The following KMT2C variants were observed in gnomAD, a reference collection of about 807,000 sequenced individuals.
KMT2C encodes the protein lysine methyltransferase 2C.
KMT2C carries 88 observed loss-of-function variants against 507.9 expected under a neutral mutation model. That is an observed-to-expected ratio of 0.17 (90% CI 0.15 to 0.21). The LOEUF is 0.21. Ranked by LOEUF, KMT2C falls within the 10% of genes least tolerant of loss-of-function variation. The probability of loss-of-function intolerance (pLI) is 1.00; values close to 1 mark genes in which losing one functional copy is unlikely to be tolerated. For synonymous variants in KMT2C, 2,049 were observed against 2,080.8 expected, an observed-to-expected ratio of 0.98 and a Z score of 0.42; for missense variants, 4,954 against 5,957.8, an observed-to-expected ratio of 0.83 and a Z score of 5.55.
At chr7:152,383,763 G>A (rs955832227) in intron 1 of KMT2C, among the ~76,000 whole-genome samples, 1 of 152,132 alleles carries the variant, frequency 6.6e-6, no homozygotes, top group Non-Finnish European at 1.5e-5. Flanking sequence ...CTGTATAATG[G>A]GGATAACAGA....
intron 43 of KMT2C, among the ~76,000 whole-genome samples, chr7:152,160,220 C>T (rs900946532): frequency 6.6e-5 from 10 of 152,004 alleles, no homozygotes; most frequent in East Asian, 1.9e-4. Context: ...TGGAGGGAGG[C>T]GAAAGCAGGC....
chr7:152,358,428 CTT>C (rs1317007604), intron 2 of KMT2C, among the ~76,000 whole-genome samples, 157 bp downstream of exon 2: 1 of 152,044 alleles, frequency 6.6e-6, no homozygotes, highest in East Asian at 1.9e-4. Context: ...AGTTTTTTCA[CTT>C]TGTCATTAGT....
chr7:152,151,415 G>A (rs1330726764), intron 50 of KMT2C, 27 bp downstream of exon 50: 3 of 1,611,570 alleles, frequency 1.9e-6, no homozygotes, highest in East Asian at 4.5e-5. Flanking sequence ...GGTAGGAGGT[G>A]GGGTCATAAA....
At chr7:152,258,161 A>G (rs2095694109) in intron 9 of KMT2C, among the ~76,000 whole-genome samples, 1 of 152,260 alleles carries the variant, frequency 6.6e-6, no homozygotes, top group Non-Finnish European at 1.5e-5. Flanking sequence ...CACAGGAGGT[A>G]TAAGATGAGC....
intron 42 of KMT2C, among the ~76,000 whole-genome samples, chr7:152,165,185 T>C (rs914565401): frequency 2.0e-5 from 3 of 152,258 alleles, no homozygotes; most frequent in African/African-American, 7.2e-5. Flanking sequence ...TACAACACTA[T>C]GTGGGATATA....
chr7:152,259,433 GACAC>G (rs1426757158), intron 9 of KMT2C, among the ~76,000 whole-genome samples: 1 of 112,784 alleles, frequency 8.9e-6, no homozygotes, highest in Non-Finnish European at 1.9e-5. Flanking sequence ...CAAAAACACA[GACAC>G]ACACACGCGC....
intron 1 of KMT2C, among the ~76,000 whole-genome samples, chr7:152,395,016 G>C (rs2097528261): frequency 6.6e-6 from 1 of 151,946 alleles, no homozygotes; most frequent in African/African-American, 2.4e-5. Flanking sequence ...GGTACTGGTA[G>C]GCAGTTTGCA....
At chr7:152,172,137 A>C (rs1048038254) in intron 39 of KMT2C, among the ~76,000 whole-genome samples, 11 of 152,176 alleles carry the variant, frequency 7.2e-5, no homozygotes, top group African/African-American at 2.7e-4. Flanking sequence ...TTTTTTACTC[A>C]GGTTTTTCAT....
At chr7:152,367,380 G>A (rs567496369) in intron 1 of KMT2C, 38 of 703,336 alleles carry the variant, frequency 5.4e-5, no homozygotes, top group Admixed American at 1.1e-4. Flanking sequence ...GGGCACCCCC[G>A]GCTGGCACCA....
At chr7:152,335,395 A>G (rs1458164537) in intron 2 of KMT2C, among the ~76,000 whole-genome samples, 3 of 152,222 alleles carry the variant, frequency 2.0e-5, no homozygotes, top group Non-Finnish European at 4.4e-5. Flanking sequence ...GAAGAGAAAA[A>G]TAAGTGACAA....
At chr7:152,324,634 A>C (rs1221116071) in intron 3 of KMT2C, among the ~76,000 whole-genome samples, 1 of 151,992 alleles carries the variant, frequency 6.6e-6, no homozygotes, top group Non-Finnish European at 1.5e-5. Flanking sequence ...AAATCTTTGA[A>C]TTGAACTGGT....
intron 1 of KMT2C, among the ~76,000 whole-genome samples, chr7:152,383,585 C>CAT (rs1440757325): frequency 1.3e-5 from 2 of 152,200 alleles, no homozygotes; most frequent in African/African-American, 4.8e-5. Context: ...GGGCACAGAG[C>CAT]ATACACTTAG....
intron 34 of KMT2C, among the ~76,000 whole-genome samples, chr7:152,183,721 A>G (rs1210819627): frequency 6.6e-6 from 1 of 151,992 alleles, no homozygotes; most frequent in Non-Finnish European, 1.5e-5. Context: ...ACATGGAGAC[A>G]CCCCATCTCT....
At chr7:152,321,063 G>A (rs557452344) in intron 3 of KMT2C, among the ~76,000 whole-genome samples, 4 of 151,792 alleles carry the variant, frequency 2.6e-5, no homozygotes, top group South Asian at 2.1e-4. Context: ...GCGAAACCCC[G>A]TCTCTACTAA....
At chr7:152,388,128 TAA>T (rs201474078) in intron 1 of KMT2C, among the ~76,000 whole-genome samples, 1 of 97,170 alleles carries the variant, frequency 1.0e-5, no homozygotes, top group African/African-American at 3.2e-5. Context: ...AAAAATAAAA[TAA>T]AAAAATTGTA....
At chr7:152,308,950 T>A (rs1382031830) in intron 6 of KMT2C, among the ~76,000 whole-genome samples, 1 of 152,104 alleles carries the variant, frequency 6.6e-6, no homozygotes, top group Non-Finnish European at 1.5e-5. Flanking sequence ...CAAAATTACA[T>A]GAAAATCACA....
chr7:152,261,487 CACT>C (rs1417471442), intron 9 of KMT2C, among the ~76,000 whole-genome samples: 2 of 152,118 alleles, frequency 1.3e-5, no homozygotes, highest in South Asian at 2.1e-4. Context: ...TTTAAAAAGT[CACT>C]ACAAGTATCA....
chr7:152,249,262 G>A (rs1210529369), intron 13 of KMT2C, among the ~76,000 whole-genome samples: 1 of 149,414 alleles, frequency 6.7e-6, no homozygotes, highest in Admixed American at 6.7e-5. Context: ...TAATTTTTAA[G>A]TTATAGTAAA....
chr7:152,348,599 T>TAAAAAAAAAAAAAAAAAAAAAAAAAA (rs201530125), intron 2 of KMT2C, among the ~76,000 whole-genome samples: 33 of 48,968 alleles, frequency 6.7e-4, no homozygotes, highest in Non-Finnish European at 1.0e-3. Context: ...AACTCTGTCT[T>TAAAAAAAAAAAAAAAAAAAAAAAAAA]AAAAAAAAAA....
Sources: gnomAD v4.1 joint callset for allele counts (sites outside exome capture counted in the v4.1 genomes callset) on GRCh38, gnomAD v4.1.1 for gene constraint, MANE v1.5 for transcripts, NCBI Gene and HGNC (gene_info 2026-07-23, HGNC 2026-07-21) for gene names.